The following MKLN1 variants were observed in gnomAD, a reference collection of about 807,000 sequenced individuals.
The protein encoded by MKLN1 is muskelin.
In MKLN1, 18 loss-of-function variants were observed where a neutral mutation model predicts 99.0. The ratio of observed to expected loss-of-function variants is 0.18; its 90% CI spans 0.13 to 0.27. The LOEUF is 0.27. MKLN1 is among the 10% of genes least tolerant of loss of function. The probability of loss-of-function intolerance (pLI) is 1.00; values close to 1 mark genes in which losing one functional copy is unlikely to be tolerated. For synonymous variants in MKLN1, 288 were observed against 293.2 expected, an observed-to-expected ratio of 0.98 and a Z score of 0.18; for missense variants, 621 against 875.9, an observed-to-expected ratio of 0.71 and a Z score of 3.67.
In MKLN1 at chr7:131,443,558, C is replaced by T; in HGVS notation, c.1251C>T (p.Asp417=). Residue 417 remains aspartate (D), a synonymous_variant, in exon 11 of 18, where the codon GAC becomes GAT. Transcript: ENST00000352689. ...TGACTTGTAATGGCAGCGTAGATGACAGCAGAGCCAGTGAACCACAATTCA... is the reference window on the plus strand; with the variant it reads ...TGACTTGTAATGGCAGCGTAGATGATAGCAGAGCCAGTGAACCACAATTCA... The part of the protein sequence containing the change: ...RILTCNGSVD[D]SRASEPQFSG... 1.2e-6 allele frequency: 2 copies of T among 1,614,118 alleles called. No homozygotes were observed. Among genetic ancestry groups the T allele is most frequent in the South Asian group, 1.1e-5 (1 of 91,082 alleles).
At chr7:131,386,231 C>T (rs1227017149) in intron 2 of MKLN1, among the ~76,000 whole-genome samples, 1 of 152,122 alleles carries the variant, frequency 6.6e-6, no homozygotes, top group African/African-American at 2.4e-5. Context: ...CCAGGCCGGT[C>T]TCAAACCCCT....
At chr7:131,309,804 C>G (rs1476177715) in intron 3 of MKLN1, 1 of 146,378 alleles carries the variant, frequency 6.8e-6, no homozygotes, top group Non-Finnish European at 1.5e-5. Flanking sequence ...CAGCTCACTG[C>G]AAGCTCTGCT....
At chr7:131,165,239 G>A (rs977489973) in intron 2 of MKLN1, among the ~76,000 whole-genome samples, 1 of 152,190 alleles carries the variant, frequency 6.6e-6, no homozygotes, top group Non-Finnish European at 1.5e-5. Flanking sequence ...AGGCTGGAGT[G>A]TAATGGCGCG....
At chr7:131,250,791 C>T (rs1797565985) in intron 3 of MKLN1, among the ~76,000 whole-genome samples, 1 of 152,176 alleles carries the variant, frequency 6.6e-6, no homozygotes, top group Admixed American at 6.5e-5. Flanking sequence ...CACAGGGAAG[C>T]AGATGCCGAC....
At chr7:131,428,063 C>T (rs1055600503) in intron 8 of MKLN1, among the ~76,000 whole-genome samples, 4 of 150,932 alleles carry the variant, frequency 2.7e-5, no homozygotes, top group African/African-American at 4.9e-5. Flanking sequence ...CCCAGCTACT[C>T]GAGAGGCTGG....
chr7:131,197,279 C>T (rs1796661207), intron 2 of MKLN1, among the ~76,000 whole-genome samples: 1 of 151,730 alleles, frequency 6.6e-6, no homozygotes, highest in African/African-American at 2.4e-5. Flanking sequence ...TCATGGCTCT[C>T]TGCAGCCTTG....
intron 2 of MKLN1, among the ~76,000 whole-genome samples, chr7:131,150,428 A>C (rs1795872161): frequency 6.6e-6 from 1 of 152,188 alleles, no homozygotes; most frequent in Non-Finnish European, 1.5e-5. Context: ...TCAAGACTGC[A>C]GTGAGCTATG....
chr7:131,300,220 G>A lies in MKLN1; in HGVS notation c.-178-75204G>A, dbSNP rs74836923. Among the ~76,000 whole-genome samples, 196 of 151,968 alleles carry A rather than the reference G, an allele frequency of 1.3e-3. 1 individual carries two copies. The highest frequency in any genetic ancestry group is 4.7e-3 in the African/African-American group (194 of 41,442). On this transcript the variant is annotated intron_variant, in intron 3 of 7. Coordinates refer to the MKLN1 transcript ENST00000416992. Reference sequence around the variant, plus strand: ...ATAGTGAGGTGCAGAGGCTAAGAAAGAAATACAAGAAATAGGTGCAATAAG... The same window carrying A: ...ATAGTGAGGTGCAGAGGCTAAGAAAAAAATACAAGAAATAGGTGCAATAAG...
intron 17 of MKLN1, among the ~76,000 whole-genome samples, chr7:131,485,290 A>T (rs1584790446): frequency 6.6e-6 from 1 of 152,224 alleles, no homozygotes; most frequent in East Asian, 1.9e-4. Flanking sequence ...AGAATCCCTG[A>T]GTACACAGTG....
chr7:131,278,774 G>T (rs1222736204), intron 3 of MKLN1, among the ~76,000 whole-genome samples: 1 of 151,278 alleles, frequency 6.6e-6, no homozygotes, highest in East Asian at 2.0e-4. Flanking sequence ...TTAAAATTTA[G>T]TTTTTTGTAG....
intron 8 of MKLN1, 77 bp from the exon 9 acceptor site, chr7:131,428,956 G>A: frequency 8.8e-7 from 1 of 1,136,174 alleles, no homozygotes; most frequent in Non-Finnish European, 1.3e-6. Flanking sequence ...AGTGGCCTTA[G>A]AAACAGCTGG....
intron 3 of MKLN1, among the ~76,000 whole-genome samples, chr7:131,315,526 G>T (rs558315168): frequency 2.6e-5 from 4 of 152,154 alleles, no homozygotes; most frequent in Non-Finnish European, 4.4e-5. Flanking sequence ...CCCCAGTGGC[G>T]CCTGGAACCC....
chr7:131,262,679 T>C (rs759852683), intron 3 of MKLN1, among the ~76,000 whole-genome samples: 6 of 151,934 alleles, frequency 3.9e-5, no homozygotes, highest in Non-Finnish European at 7.4e-5. Flanking sequence ...GCCTCCCAAG[T>C]AGCTGGGACT....
chr7:131,320,310 C>T (rs922771694), intron 3 of MKLN1, among the ~76,000 whole-genome samples: 1 of 152,074 alleles, frequency 6.6e-6, no homozygotes, highest in East Asian at 1.9e-4. Context: ...ACAAACCTGA[C>T]AAAAACAAGC....
intron 3 of MKLN1, among the ~76,000 whole-genome samples, chr7:131,259,280 T>C (rs1797700392): frequency 2.0e-5 from 3 of 152,154 alleles, no homozygotes; most frequent in African/African-American, 7.2e-5. Flanking sequence ...GTGGATTGTA[T>C]AGAGGGATTT....
chr7:131,255,624 G>T (rs576127061), intron 3 of MKLN1, among the ~76,000 whole-genome samples: 2 of 152,154 alleles, frequency 1.3e-5, no homozygotes, highest in East Asian at 3.9e-4. Flanking sequence ...TGTTGCCCAG[G>T]CTGGAGTGCA....
At chr7:131,396,065 A>AAC (rs1794349727) in intron 4 of MKLN1, among the ~76,000 whole-genome samples, 1 of 149,938 alleles carries the variant, frequency 6.7e-6, no homozygotes, top group East Asian at 1.9e-4. Context: ...TTTTCAATTG[A>AAC]ATATATATAT....
At chr7:131,145,533 T>C (rs1015672389) in intron 2 of MKLN1, among the ~76,000 whole-genome samples, 7 of 152,224 alleles carry the variant, frequency 4.6e-5, no homozygotes, top group Non-Finnish European at 5.9e-5. Context: ...TCAGAGACAT[T>C]GATCAACAAA....
chr7:131,458,497 G>A (rs1420184464), intron 12 of MKLN1, among the ~76,000 whole-genome samples: 3 of 152,178 alleles, frequency 2.0e-5, no homozygotes, highest in African/African-American at 7.2e-5. Flanking sequence ...ATAAATTCAG[G>A]TATTGTGATT....
Sources: allele counts gnomAD v4.1 joint callset (sites outside exome capture counted in the v4.1 genomes callset), GRCh38; gene constraint gnomAD v4.1.1; transcripts MANE v1.5; gene names NCBI Gene and HGNC (gene_info 2026-07-23, HGNC 2026-07-21).